Variants in CHSY3 observed in about 807,000 individuals in gnomAD.
CHSY3 encodes N-acetylgalactosaminyl-proteoglycan 3-beta-glucuronosyltransferase 3.
CHSY3 carries 35 observed loss-of-function variants against 67.2 expected under a neutral mutation model. The observed-to-expected ratio is 0.52, with a 90% CI of 0.40 to 0.69. CHSY3 has a LOEUF of 0.69. Ranked by LOEUF, CHSY3 falls within the 30% of genes least tolerant of loss-of-function variation. The pLI is 0.00. For missense variants in CHSY3, 1,069 were observed against 1,138.5 expected (o/e 0.94, Z 0.88); for synonymous variants, 474 against 434.7 (o/e 1.09, Z -1.12).
chr5:130,055,209 T>C (rs988644525), intron 2 of CHSY3, among the ~76,000 whole-genome samples: 5 of 152,066 alleles, frequency 3.3e-5, no homozygotes, highest in African/African-American at 1.2e-4. Context: ...CCTGATGTGA[T>C]TCAACAAACA....
chr5:129,975,523 T>C (rs1762781699), intron 2 of CHSY3, among the ~76,000 whole-genome samples: 1 of 152,294 alleles, frequency 6.6e-6, no homozygotes, highest in East Asian at 1.9e-4. Flanking sequence ...GTAACAAAAG[T>C]ATCTCTGGAA....
At chr5:130,159,187 C>T (rs1478870556) in intron 2 of CHSY3, among the ~76,000 whole-genome samples, 5 of 82,218 alleles carry the variant, frequency 6.1e-5, no homozygotes, top group Non-Finnish European at 9.5e-5. Flanking sequence ...TTTTTTGAGA[C>T]AGGATCTACT....
At chr5:129,996,892 A>G (rs1763556376) in intron 2 of CHSY3, among the ~76,000 whole-genome samples, 1 of 152,146 alleles carries the variant, frequency 6.6e-6, no homozygotes, top group Non-Finnish European at 1.5e-5. Context: ...ATAAAAGAAG[A>G]TATATTATTT....
At position 129,905,409 on chromosome 5, in the gene CHSY3, A is replaced by G; in HGVS notation, c.580A>G (p.Thr194Ala). ...LGSRALAAQR[T>A]WARFIPGRVE... ...CAGCCGCGCGCTGGCCGCGCAGCGG[A>G]CCTGGGCGCGTTTCATCCCGGGCCG... is the stretch of plus-strand genomic sequence containing the variant. Residue 194 changes from threonine to alanine, a missense_variant, in exon 1 of 3, where the codon ACC (threonine) becomes GCC (alanine). By Grantham distance (58) the Thr-to-Ala change is moderately conservative. Coordinates refer to ENST00000305031, the MANE Select transcript of CHSY3 (RefSeq NM_175856.5). The G allele has an allele frequency of 6.2e-7, 1 of 1,608,982 alleles. No individual in the cohort carries two copies. The highest frequency in any genetic ancestry group is 8.5e-7 in the Non-Finnish European group (1 of 1,178,918).
At chr5:130,093,650 G>T (rs186344491) in intron 2 of CHSY3, among the ~76,000 whole-genome samples, 6 of 152,182 alleles carry the variant, frequency 3.9e-5, no homozygotes, top group Admixed American at 6.6e-5. Context: ...GATGTAGTCG[G>T]TTGCACAGAA....
chr5:130,014,057 G>A (rs970882862), intron 2 of CHSY3, among the ~76,000 whole-genome samples: 4 of 152,164 alleles, frequency 2.6e-5, no homozygotes, highest in Non-Finnish European at 4.4e-5. Context: ...AAAGCATAGC[G>A]AGAGTCACCT....
intron 2 of CHSY3, among the ~76,000 whole-genome samples, chr5:130,178,231 A>T (rs1421584196): frequency 3.6e-5 from 2 of 55,762 alleles, no homozygotes; most frequent in Non-Finnish European, 6.7e-5. Flanking sequence ...TTATATTTAT[A>T]TATATATATA....
chr5:130,009,272 G>A (rs1174912343), intron 2 of CHSY3, among the ~76,000 whole-genome samples: 1 of 152,126 alleles, frequency 6.6e-6, no homozygotes, highest in Non-Finnish European at 1.5e-5. Flanking sequence ...GGACCTTTCA[G>A]CAGAAATTCT....
intron 2 of CHSY3, among the ~76,000 whole-genome samples, chr5:130,086,757 C>G (rs1247447710): frequency 4.1e-4 from 62 of 151,974 alleles, no homozygotes; most frequent in Non-Finnish European, 7.4e-4. Context: ...TCCAGGACCA[C>G]ATGGATTCAC....
At chr5:129,963,697 T>C (rs1270377483) in intron 2 of CHSY3, among the ~76,000 whole-genome samples, 1 of 152,002 alleles carries the variant, frequency 6.6e-6, no homozygotes, top group East Asian at 1.9e-4. Flanking sequence ...TTAGTCATCA[T>C]TTGAATGTTT....
chr5:130,167,096 C>CT (rs982748912), intron 2 of CHSY3, among the ~76,000 whole-genome samples: 2 of 151,746 alleles, frequency 1.3e-5, no homozygotes, highest in African/African-American at 2.4e-5. Context: ...GTTTGTTTTC[C>CT]TTTTTTTTCC....
intron 2 of CHSY3, among the ~76,000 whole-genome samples, chr5:129,961,605 C>T (rs141174141): frequency 1.3e-5 from 2 of 152,014 alleles, no homozygotes; most frequent in Admixed American, 6.6e-5. Context: ...TAAACACTAC[C>T]TCAGATAACC....
Position 130,094,808 on chromosome 5 carries a change from T to A in CHSY3, c.1087-89421T>A, listed in dbSNP as rs115472502. Reference sequence around the variant, plus strand: ...TAGGAAGAAAGGAGCTGACCTTCCATCATTTGGAAAATGATGTTTAGACTG... The same window carrying A: ...TAGGAAGAAAGGAGCTGACCTTCCAACATTTGGAAAATGATGTTTAGACTG... On this transcript the variant is annotated intron_variant, in intron 2 of 2. Coordinates refer to ENST00000305031, the MANE Select transcript of CHSY3 (RefSeq NM_175856.5). 4.8e-3 allele frequency among the ~76,000 whole-genome samples: 734 copies of A among 152,258 alleles called. 12 individuals are homozygous for A. The highest frequency in any genetic ancestry group is 0.017 in the African/African-American group (695 of 41,546).
At chr5:130,019,979 AATTAGCTTTGTACTGAGGAATATTAGAAC>A (rs1764319227) in intron 2 of CHSY3, among the ~76,000 whole-genome samples, 1 of 152,198 alleles carries the variant, frequency 6.6e-6, no homozygotes, top group African/African-American at 2.4e-5. Flanking sequence ...GATAAGCCCC[AATTAGCTTTGTACTGAGGAATATTAGAAC>A]ATCTTACTTT....
At chr5:129,973,027 T>C (rs1762689644) in intron 2 of CHSY3, among the ~76,000 whole-genome samples, 2 of 152,060 alleles carry the variant, frequency 1.3e-5, no homozygotes, top group African/African-American at 2.4e-5. Flanking sequence ...TGCTCTCATA[T>C]TGTGATTGTA....
intron 2 of CHSY3, among the ~76,000 whole-genome samples, chr5:129,993,264 T>A (rs1561488315): frequency 6.6e-6 from 1 of 152,096 alleles, no homozygotes; most frequent in Non-Finnish European, 1.5e-5. Context: ...CTTTTAAGAG[T>A]GATGTGATTC....
At chr5:130,098,901 T>G (rs1304033815) in intron 2 of CHSY3, among the ~76,000 whole-genome samples, 2 of 152,222 alleles carry the variant, frequency 1.3e-5, no homozygotes, top group South Asian at 4.1e-4. Flanking sequence ...TATTAGTGTT[T>G]TCTAATTTTT....
intron 2 of CHSY3, among the ~76,000 whole-genome samples, chr5:130,037,260 A>G (rs1764886940): frequency 6.6e-6 from 1 of 152,204 alleles, no homozygotes; most frequent in East Asian, 1.9e-4. Flanking sequence ...TTTCACCACC[A>G]ATGCAGCTGA....
At chr5:130,061,988 A>G (rs1045319984) in intron 2 of CHSY3, among the ~76,000 whole-genome samples, 3 of 152,078 alleles carry the variant, frequency 2.0e-5, no homozygotes, top group Admixed American at 1.3e-4. Flanking sequence ...ATGGAAAACA[A>G]TATGAAGATT....
Sources: allele counts gnomAD v4.1 joint callset (sites outside exome capture counted in the v4.1 genomes callset), GRCh38; gene constraint gnomAD v4.1.1; transcripts MANE v1.5; gene names NCBI Gene and HGNC (gene_info 2026-07-23, HGNC 2026-07-21).